The following EHMT1 variants were observed in gnomAD, a reference collection of about 807,000 sequenced individuals.
EHMT1 encodes euchromatic histone lysine methyltransferase 1.
Under a neutral mutation model 147.2 loss-of-function variants are expected in EHMT1, and 15 were observed. That is an observed-to-expected ratio of 0.10 (90% CI 0.07 to 0.16). The LOEUF (loss-of-function observed/expected upper bound fraction) is 0.16. EHMT1 is among the 10% of genes least tolerant of loss of function. The probability of loss-of-function intolerance (pLI) is 1.00; values close to 1 mark genes in which losing one functional copy is unlikely to be tolerated. For missense variants in EHMT1, 1,587 were observed against 1,772.4 expected, an observed-to-expected ratio of 0.90 and a Z score of 1.88; for synonymous variants, 795 against 709.6, an observed-to-expected ratio of 1.12 and a Z score of -1.91.
Position 137,798,856 on chromosome 9 carries a change from G to A in EHMT1, c.2549G>A (p.Gly850Asp). ...STCLHLAAKK[G>D]HYEVVQYLLS... Reference sequence around the variant, plus strand: ...TGTTTGCACCTGGCTGCCAAGAAAGGCCACTACGAAGTGGTCCAGTACCTG... The same window carrying A: ...TGTTTGCACCTGGCTGCCAAGAAAGACCACTACGAAGTGGTCCAGTACCTG... Residue 850 changes from glycine to aspartate, a missense_variant, in exon 17 of 27, where the codon GGC (glycine) becomes GAC (aspartate). Physicochemically the swap from Gly to Asp is moderately conservative, Grantham distance 94. Around this residue, in one of 7 missense-constraint regions of EHMT1, gnomAD observed 201 missense variants for 350.1 expected, o/e 0.57. Transcript: ENST00000460843. 1.2e-6 allele frequency: 2 copies of A among 1,614,200 alleles called. No homozygotes were observed. The highest frequency in any genetic ancestry group is 8.5e-7 in the Non-Finnish European group (1 of 1,180,024).
chr9:137,663,947 T>G (rs912142504), intron 1 of EHMT1, among the ~76,000 whole-genome samples: 28 of 151,866 alleles, frequency 1.8e-4, no homozygotes, highest in African/African-American at 6.5e-4. Flanking sequence ...TACTACAAAC[T>G]AAGTACTATA....
At chr9:137,725,152 A>G (rs1946497286) in intron 3 of EHMT1, among the ~76,000 whole-genome samples, 1 of 147,716 alleles carries the variant, frequency 6.8e-6, no homozygotes, top group African/African-American at 2.5e-5. Flanking sequence ...GGTGTGTGGC[A>G]GGCGTGTGGC....
At chr9:137,826,223 T>C (rs762488420) in intron 25 of EHMT1, among the ~76,000 whole-genome samples, 1 of 152,218 alleles carries the variant, frequency 6.6e-6, no homozygotes, top group African/African-American at 2.4e-5. Flanking sequence ...TGGTCTCTCC[T>C]TCCAGCATCT....
intron 1 of EHMT1, among the ~76,000 whole-genome samples, chr9:137,622,050 G>T (rs922577292): frequency 6.7e-6 from 1 of 150,032 alleles, no homozygotes; most frequent in Non-Finnish European, 1.5e-5. Context: ...GTGCCATGTT[G>T]GTGTGCTGCA....
chr9:137,641,266 CCA>C, intron 1 of EHMT1: 2 of 434,760 alleles, frequency 4.6e-6, no homozygotes, highest in Non-Finnish European at 9.2e-6. Flanking sequence ...AGTTTCCTTT[CCA>C]GATTTCCATT....
intron 10 of EHMT1, among the ~76,000 whole-genome samples, chr9:137,772,613 G>A (rs1271565248): frequency 6.6e-6 from 1 of 152,238 alleles, no homozygotes; most frequent in Non-Finnish European, 1.5e-5. Flanking sequence ...CTTCAGGCAA[G>A]CAGGTTTGGG....
intron 16 of EHMT1, among the ~76,000 whole-genome samples, chr9:137,794,341 G>A (rs1353251381): frequency 2.0e-5 from 3 of 152,156 alleles, no homozygotes; most frequent in Admixed American, 6.6e-5. Flanking sequence ...CTGTAGAATT[G>A]CTAGATCAAA....
chr9:137,729,671 T>G (rs2135806907), intron 4 of EHMT1, among the ~76,000 whole-genome samples: 1 of 152,302 alleles, frequency 6.6e-6, no homozygotes, highest in Non-Finnish European at 1.5e-5. Flanking sequence ...CTGTGTACCC[T>G]TTATTCATTT....
At chr9:137,769,361 T>A (rs1950450324) in intron 10 of EHMT1, among the ~76,000 whole-genome samples, 1 of 152,254 alleles carries the variant, frequency 6.6e-6, no homozygotes, top group Non-Finnish European at 1.5e-5. Flanking sequence ...TCTGTCTTTG[T>A]GGTATTATTA....
At position 137,828,160 on chromosome 9, in the gene EHMT1, G is replaced by A. The variant is rs1204273017; in HGVS notation, c.3541-6189G>A. On this transcript the variant is annotated intron_variant, in intron 25 of 26. Coordinates refer to ENST00000460843, the MANE Select transcript of EHMT1 (RefSeq NM_024757.5). This position sits in a 1 kb window ranked among gnomAD's most constrained non-coding sequence, Gnocchi z 5.3. Reference sequence around the variant, plus strand: ...GTCTCTTGGGGCTACAGCCTGTGCTGTGACCATCCACAGGCCCCAGGGGGG... The same window carrying A: ...GTCTCTTGGGGCTACAGCCTGTGCTATGACCATCCACAGGCCCCAGGGGGG... Among the ~76,000 whole-genome samples, 6 of 152,306 alleles carry A rather than the reference G, an allele frequency of 3.9e-5. No individual in the cohort carries two copies. The East Asian group carries it at 7.7e-4, about 20-fold the overall frequency.
chr9:137,667,849 A>G (rs1039513216), intron 1 of EHMT1, among the ~76,000 whole-genome samples: 2 of 152,048 alleles, frequency 1.3e-5, no homozygotes, highest in Non-Finnish European at 2.9e-5. Flanking sequence ...TCTTATAGGA[A>G]TTTGTCTTTT....
intron 14 of EHMT1, among the ~76,000 whole-genome samples, chr9:137,781,789 T>G (rs990976436): frequency 1.3e-5 from 2 of 152,184 alleles, no homozygotes; most frequent in African/African-American, 4.8e-5. Flanking sequence ...AAGAAAGGTT[T>G]ATTTATGTTG....
intron 16 of EHMT1, among the ~76,000 whole-genome samples, chr9:137,793,320 G>A (rs925415454): frequency 6.6e-6 from 1 of 152,222 alleles, no homozygotes; most frequent in Non-Finnish European, 1.5e-5. Context: ...AGGCCCACAA[G>A]GGCCATTTCC....
intron 1 of EHMT1, among the ~76,000 whole-genome samples, chr9:137,672,133 G>A (rs1253832441): frequency 6.6e-6 from 1 of 152,220 alleles, no homozygotes; most frequent in Non-Finnish European, 1.5e-5. Flanking sequence ...TGCCATAGAG[G>A]GCGTGCAGCA....
chr9:137,630,604 C>T (rs1294368649), intron 1 of EHMT1, among the ~76,000 whole-genome samples: 1 of 152,106 alleles, frequency 6.6e-6, no homozygotes, highest in Admixed American at 6.6e-5. Flanking sequence ...TCCTGATCCT[C>T]GTGAGTGTAT....
chr9:137,832,756 G>A (rs1040118756), intron 25 of EHMT1: 5 of 152,442 alleles, frequency 3.3e-5, no homozygotes, highest in African/African-American at 7.2e-5. Flanking sequence ...TCTGCCAGAC[G>A]AGCTGCCCCT....
chr9:137,763,166 TCCAGAACTGC>T (rs1198638501), intron 10 of EHMT1: 5 of 483,950 alleles, frequency 1.0e-5, no homozygotes, highest in African/African-American at 2.0e-5. Context: ...CCAAGGTGAG[TCCAGAACTGC>T]CCAGAACTGT....
At chr9:137,707,510 ACC>A (rs1439889693) in intron 1 of EHMT1, among the ~76,000 whole-genome samples, 1 of 152,158 alleles carries the variant, frequency 6.6e-6, no homozygotes, top group African/African-American at 2.4e-5. Flanking sequence ...GATGCTACAG[ACC>A]AGGCAGAGGC....
At chr9:137,622,061 C>T (rs888786692) in intron 1 of EHMT1, among the ~76,000 whole-genome samples, 8 of 151,062 alleles carry the variant, frequency 5.3e-5, no homozygotes, top group African/African-American at 2.0e-4. Context: ...GTGTGCTGCA[C>T]CCATTAACTC....
Sources: allele counts gnomAD v4.1 joint callset (sites outside exome capture counted in the v4.1 genomes callset), GRCh38; gene constraint gnomAD v4.1.1; regional missense constraint gnomAD v4.1.1; non-coding constraint Gnocchi (gnomAD v3.1); transcripts MANE v1.5; gene names NCBI Gene and HGNC (gene_info 2026-07-23, HGNC 2026-07-21).